Variants in RAPGEF6 observed in about 807,000 individuals in gnomAD.
The protein encoded by RAPGEF6 is Rap guanine nucleotide exchange factor 6, also known as PDZ domain containing guanine nucleotide exchange factor (GEF) 2.
Under a neutral mutation model 171.4 loss-of-function variants are expected in RAPGEF6, and 56 were observed. The observed-to-expected ratio is 0.33, with a 90% CI of 0.26 to 0.41. The LOEUF (loss-of-function observed/expected upper bound fraction) is 0.41. Ranked by LOEUF, RAPGEF6 falls within the 10% of genes least tolerant of loss-of-function variation. The pLI, the probability that RAPGEF6 is intolerant of heterozygous loss-of-function variation, is 1.00. For missense variants in RAPGEF6, 1,674 were observed against 1,921.4 expected (o/e 0.87, Z 2.41); for synonymous variants, 692 against 650.1 (o/e 1.06, Z -0.98).
intron 16 of RAPGEF6, chr5:131,473,055 AT>A (rs2149848211): frequency 3.7e-6 from 1 of 267,446 alleles, no homozygotes; most frequent in African/African-American, 2.2e-5. Flanking sequence ...AACCCTTCAA[AT>A]TTGCCAGTTT....
intron 1 of RAPGEF6, among the ~76,000 whole-genome samples, chr5:131,627,991 C>G (rs1037651327): frequency 6.6e-6 from 1 of 152,166 alleles, no homozygotes; most frequent in Non-Finnish European, 1.5e-5. Flanking sequence ...TCCAACTGTT[C>G]CACTGGCTGT....
In RAPGEF6 at chr5:131,510,367, A is replaced by G. The variant is rs1682657409; in HGVS notation, c.752T>C (p.Leu251Pro). The G allele has an allele frequency of 6.2e-7, 1 of 1,613,926 alleles. No individual in the cohort carries two copies. Among genetic ancestry groups the G allele is most frequent in the East Asian group, 2.2e-5 (1 of 44,880 alleles). The change falls in exon 8 of 28, where the codon CTT becomes CCT. Residue 251 changes from leucine (L) to proline (P), a missense_variant. Around this residue, in one of 3 missense-constraint regions of RAPGEF6, gnomAD observed 1,116 missense variants for 1,321.5 expected, o/e 0.84. Transcript: ENST00000509018. ...TTCTTTTTCAAGACATTCTCGAACA[A>G]GATCTCGCCCCTGCAATGGATCTGT... ...DRTDPLQGRDLVRECLEKEPA... is the reference protein window; with the variant it reads ...DRTDPLQGRDPVRECLEKEPA...
intron 23 of RAPGEF6, among the ~76,000 whole-genome samples, chr5:131,441,700 A>C (rs879786631): frequency 5.9e-5 from 9 of 152,202 alleles, no homozygotes; most frequent in Non-Finnish European, 1.3e-4. Context: ...TTTCTTATTC[A>C]ACTTTGTATC....
At chr5:131,545,253 TA>T (rs550025438) in intron 6 of RAPGEF6, among the ~76,000 whole-genome samples, 119 of 152,238 alleles carry the variant, frequency 7.8e-4, no homozygotes, top group South Asian at 6.4e-3. Context: ...AGAATTTAGT[TA>T]AAAAATAACT....
intron 17 of RAPGEF6, among the ~76,000 whole-genome samples, chr5:131,468,784 A>G (rs1365823659): frequency 6.6e-6 from 1 of 152,210 alleles, no homozygotes; most frequent in African/African-American, 2.4e-5. Flanking sequence ...GACATTGAGT[A>G]AGGAAGAGAA....
intron 5 of RAPGEF6, among the ~76,000 whole-genome samples, chr5:131,551,467 G>A (rs1253247713): frequency 2.7e-5 from 4 of 149,122 alleles, no homozygotes; most frequent in Admixed American, 6.7e-5. Context: ...AGCAGAGATC[G>A]TGTCACTGCA....
chr5:131,508,063 T>A lies in RAPGEF6; in HGVS notation c.942+8A>T. The A allele has an allele frequency of 8.2e-6, 13 of 1,577,630 alleles. No individual in the cohort carries two copies. Among genetic ancestry groups the A allele is most frequent in the Non-Finnish European group, 1.1e-5 (13 of 1,162,620 alleles). ...TAATAAATGTATGTAATTTATTTAT[T>A]GACCTACCTCTTGCCCATCTTCAAG... On this transcript the variant is annotated splice_region_variant and intron_variant, in intron 9 of 27. Coordinates refer to ENST00000509018, the MANE Select transcript of RAPGEF6 (RefSeq NM_016340.6).
chr5:131,498,518 C>T lies in RAPGEF6; in HGVS notation c.1344G>A (p.Arg448=). The T allele has an allele frequency of 8.7e-6, 14 of 1,613,732 alleles. No homozygotes were observed. Among genetic ancestry groups the T allele is most frequent in the Middle Eastern group, 3.3e-4 (2 of 6,056 alleles). Reference sequence around the variant, plus strand: ...CATCCAAAGGACTTTCAAGAAATGTCCTGTAAGTTAATAGAAAATCTTCTA... The same window carrying T: ...CATCCAAAGGACTTTCAAGAAATGTTCTGTAAGTTAATAGAAAATCTTCTA... ...TYIEDFLLTY[R]TFLESPLDVG... The change falls in exon 12 of 28, where the codon AGG becomes AGA. Residue 448 remains arginine, a synonymous_variant. Transcript: ENST00000509018.
intron 1 of RAPGEF6, among the ~76,000 whole-genome samples, chr5:131,616,077 T>C (rs941648289): frequency 6.6e-6 from 1 of 151,570 alleles, no homozygotes; most frequent in African/African-American, 2.4e-5. Context: ...GATTAGGGAA[T>C]AAAATAATGG....
At chr5:131,555,103 A>C (rs1269524071) in intron 5 of RAPGEF6, among the ~76,000 whole-genome samples, 1 of 152,230 alleles carries the variant, frequency 6.6e-6, no homozygotes, top group East Asian at 1.9e-4. Flanking sequence ...CCAAGTATTA[A>C]GGTTCACAGA....
At chr5:131,514,569 C>CTG (rs1489094488) in intron 7 of RAPGEF6, among the ~76,000 whole-genome samples, 1 of 151,976 alleles carries the variant, frequency 6.6e-6, no homozygotes, top group Non-Finnish European at 1.5e-5. Flanking sequence ...GAGACAAGAA[C>CTG]TTTCAACATT....
chr5:131,514,777 G>A (rs1180736383), intron 7 of RAPGEF6, among the ~76,000 whole-genome samples: 1 of 152,116 alleles, frequency 6.6e-6, no homozygotes, highest in African/African-American at 2.4e-5. Context: ...TACCACGAGT[G>A]GAAATATGTG....
At chr5:131,563,010 C>G (rs746969177) in intron 4 of RAPGEF6, among the ~76,000 whole-genome samples, 3 of 150,996 alleles carry the variant, frequency 2.0e-5, no homozygotes, top group Admixed American at 6.6e-5. Context: ...AAAGCAACCA[C>G]AGAGAAAAAG....
At chr5:131,601,083 C>CA (rs34701964) in intron 3 of RAPGEF6, among the ~76,000 whole-genome samples, 19,835 of 134,188 alleles carry the variant, frequency 0.15, 1,626 homozygotes, top group Middle Eastern at 0.23. Flanking sequence ...AACTCCATTT[C>CA]AAAAAAAAAA....
chr5:131,433,153 A>G (rs181303130), intron 25 of RAPGEF6, among the ~76,000 whole-genome samples: 20 of 152,314 alleles, frequency 1.3e-4, no homozygotes, highest in African/African-American at 4.1e-4. Flanking sequence ...TCTCCCCTAT[A>G]TAAGTAGCAG....
intron 4 of RAPGEF6, among the ~76,000 whole-genome samples, chr5:131,570,664 AT>A (rs1293085109): frequency 1.3e-5 from 2 of 152,210 alleles, no homozygotes; most frequent in African/African-American, 2.4e-5. Context: ...TAAAAACATT[AT>A]GCTAAATGAA....
At chr5:131,596,659 C>T (rs1221290574) in intron 3 of RAPGEF6, among the ~76,000 whole-genome samples, 1 of 151,980 alleles carries the variant, frequency 6.6e-6, no homozygotes, top group Non-Finnish European at 1.5e-5. Context: ...AAAAAGGTGC[C>T]AAAGACACTT....
At chr5:131,483,827 G>A (rs1176871129) in intron 15 of RAPGEF6, among the ~76,000 whole-genome samples, 4 of 151,996 alleles carry the variant, frequency 2.6e-5, no homozygotes, top group Non-Finnish European at 4.4e-5. Context: ...GAGGCCGGGC[G>A]TGGTGGCTCA....
chr5:131,514,550 T>C (rs1449145048), intron 7 of RAPGEF6, among the ~76,000 whole-genome samples: 1 of 152,042 alleles, frequency 6.6e-6, no homozygotes, highest in Admixed American at 6.5e-5. Context: ...ATAGAGATAA[T>C]GAAAGTAAGA....
Sources: allele counts gnomAD v4.1 joint callset (sites outside exome capture counted in the v4.1 genomes callset), GRCh38; gene constraint gnomAD v4.1.1; regional missense constraint gnomAD v4.1.1; transcripts MANE v1.5; gene names NCBI Gene and HGNC (gene_info 2026-07-23, HGNC 2026-07-21).